Variants in DNAH8 observed in about 807,000 individuals in gnomAD.
DNAH8 encodes the protein axonemal beta dynein heavy chain 8.
DNAH8 carries 382 observed loss-of-function variants against 562.1 expected under a neutral mutation model. That is an observed-to-expected ratio of 0.68 (90% confidence interval 0.63 to 0.74). DNAH8 has a LOEUF of 0.74. Among genes scored for constraint, DNAH8 ranks in the 30% least tolerant of loss-of-function variants. DNAH8 has a pLI of 0.00. For synonymous variants in DNAH8, 1,881 were observed against 1,919.4 expected, an observed-to-expected ratio of 0.98 and a Z score of 0.52; for missense variants, 5,203 against 5,620.4, an observed-to-expected ratio of 0.93 and a Z score of 2.37.
rs147158170 is a variant in DNAH8 at position 38,924,417 on chromosome 6, C to T, written c.10962+255C>T. Among the ~76,000 whole-genome samples, 574 of 151,960 alleles carry T rather than the reference C, an allele frequency of 3.8e-3. 4 individuals carry two copies. Among genetic ancestry groups the T allele is most frequent in the African/African-American group, 0.013 (545 of 41,458 alleles). On this transcript the variant is annotated intron_variant, in intron 73 of 92. Transcript: ENST00000327475. Reference sequence around the variant, plus strand: ...ATCCTAGCTACTCAGGAGGCTGAGGCAGGAGAATCGCTTCAACCAGGGAGG... The same window carrying T: ...ATCCTAGCTACTCAGGAGGCTGAGGTAGGAGAATCGCTTCAACCAGGGAGG...
At chr6:38,831,580 G>C (rs1437519188) in intron 30 of DNAH8, among the ~76,000 whole-genome samples, 2 of 151,964 alleles carry the variant, frequency 1.3e-5, no homozygotes, top group Non-Finnish European at 2.9e-5. Context: ...GGTAATATAT[G>C]TTCCAATCTA....
chr6:38,958,877 A>G (rs1762439226), intron 82 of DNAH8, among the ~76,000 whole-genome samples: 1 of 152,200 alleles, frequency 6.6e-6, no homozygotes, highest in African/African-American at 2.4e-5. Flanking sequence ...TGATGAACAT[A>G]GATGTAAAAT....
intron 39 of DNAH8, 75 bp downstream of exon 39, chr6:38,851,749 A>G (rs1775766787): frequency 1.1e-6 from 1 of 946,996 alleles, no homozygotes; most frequent in African/African-American, 1.7e-5. Context: ...TGAAGTTAAA[A>G]TCTTAAAAAT....
intron 79 of DNAH8, among the ~76,000 whole-genome samples, chr6:38,943,628 T>G (rs2150608566): frequency 6.6e-6 from 1 of 152,358 alleles, no homozygotes; most frequent in Non-Finnish European, 1.5e-5. Context: ...GCAATGGACT[T>G]ATCTTTCTTC....
chr6:38,840,993 GAAT>G (rs962218294), intron 33 of DNAH8, among the ~76,000 whole-genome samples: 2 of 151,436 alleles, frequency 1.3e-5, no homozygotes, highest in Admixed American at 6.6e-5. Context: ...GCATAGTTGA[GAAT>G]AATAATAAGT....
chr6:38,951,850 C>G (rs904491244), intron 82 of DNAH8, among the ~76,000 whole-genome samples: 2 of 151,968 alleles, frequency 1.3e-5, no homozygotes, highest in African/African-American at 2.4e-5. Context: ...ATTGCCATGT[C>G]TATATAAAAT....
chr6:38,951,637 A>T (rs780539251), intron 82 of DNAH8, 117 bp downstream of exon 82: 26 of 874,378 alleles, frequency 3.0e-5, no homozygotes, highest in Middle Eastern at 2.3e-4. Flanking sequence ...AATTCGAAAA[A>T]TATTAAACTT....
intron 35 of DNAH8, 49 bp downstream of exon 35, chr6:38,842,952 C>T (rs1300014275): frequency 2.5e-6 from 4 of 1,584,590 alleles, no homozygotes; most frequent in African/African-American, 1.4e-5. Context: ...AGAATGTCTG[C>T]TTTTTCTTTT....
intron 1 of DNAH8, among the ~76,000 whole-genome samples, chr6:38,715,927 T>TAA (rs1295765006): frequency 0.038 from 1,171 of 31,172 alleles, 27 homozygotes; most frequent in East Asian, 0.074. Flanking sequence ...AATAAATAAA[T>TAA]ATATATATAT....
At chr6:38,930,302 T>C (rs1782456959) in intron 75 of DNAH8, among the ~76,000 whole-genome samples, 1 of 152,184 alleles carries the variant, frequency 6.6e-6, no homozygotes, top group Admixed American at 6.6e-5. Flanking sequence ...TGTGTCATTC[T>C]CTACCTTTAG....
intron 11 of DNAH8, among the ~76,000 whole-genome samples, chr6:38,766,511 A>C (rs1767016161): frequency 6.6e-6 from 1 of 152,168 alleles, no homozygotes; most frequent in South Asian, 2.1e-4. Flanking sequence ...TTTTGAGACA[A>C]GGTCTGGCTC....
intron 8 of DNAH8, among the ~76,000 whole-genome samples, chr6:38,749,988 A>G (rs993285683): frequency 6.6e-6 from 1 of 152,092 alleles, no homozygotes; most frequent in African/African-American, 2.4e-5. Flanking sequence ...GCCCGCCGCC[A>G]CGCCCAGCTA....
At chr6:38,990,655 A>G (rs542882128) in intron 88 of DNAH8, among the ~76,000 whole-genome samples, 1 of 152,188 alleles carries the variant, frequency 6.6e-6, no homozygotes, top group African/African-American at 2.4e-5. Context: ...TCCTTTTGTC[A>G]TGCACTGCCT....
intron 53 of DNAH8, among the ~76,000 whole-genome samples, chr6:38,878,442 C>A (rs568106231): frequency 6.6e-6 from 1 of 151,596 alleles, no homozygotes; most frequent in Admixed American, 6.6e-5. Flanking sequence ...CAAATTAAAC[C>A]CAAAGTAAGC....
rs1459751204 is a variant in DNAH8 at position 39,008,932 on chromosome 6, A to G, written c.13333A>G (p.Met4445Val). 6 of 1,611,886 alleles carry G rather than the reference A, an allele frequency of 3.7e-6. No individual in the cohort carries two copies. The Admixed American group carries it at 5.0e-5, about 13-fold the overall frequency. The change falls in exon 89 of 93, where the codon ATG (methionine) becomes GTG (valine). Residue 4445 changes from methionine to valine, a missense_variant. Around this residue, in one of 6 missense-constraint regions of DNAH8, gnomAD observed 1,399 missense variants for 1,518.4 expected, o/e 0.92. Transcript: ENST00000327475. Reference protein sequence around the residue: ...EAIVYRLSEDMLSKLPPDYIP... With the variant: ...EAIVYRLSEDVLSKLPPDYIP... ...TATTGTTTATAGATTATCTGAAGATATGCTGAGTAAACTCCCTCCTGATTA... is the reference window on the plus strand; with the variant it reads ...TATTGTTTATAGATTATCTGAAGATGTGCTGAGTAAACTCCCTCCTGATTA...
intron 91 of DNAH8, among the ~76,000 whole-genome samples, chr6:39,017,879 T>C (rs1766661843): frequency 6.6e-6 from 1 of 152,198 alleles, no homozygotes; most frequent in South Asian, 2.1e-4. Flanking sequence ...AATGCTTGTC[T>C]TGAAGAGTTA....
At chr6:39,001,120 G>T (rs1765453066) in intron 88 of DNAH8, among the ~76,000 whole-genome samples, 1 of 152,164 alleles carries the variant, frequency 6.6e-6, no homozygotes, top group Non-Finnish European at 1.5e-5. Flanking sequence ...CGGAGTGGCC[G>T]ATGCAGAGTG....
At chr6:38,721,437 C>T (rs1327066060) in intron 1 of DNAH8, among the ~76,000 whole-genome samples, 1 of 151,722 alleles carries the variant, frequency 6.6e-6, no homozygotes, top group Non-Finnish European at 1.5e-5. Context: ...CCTGGGAGGT[C>T]AAAGCTGCAG....
chr6:38,956,095 G>A (rs983169432), intron 82 of DNAH8, among the ~76,000 whole-genome samples: 4 of 152,220 alleles, frequency 2.6e-5, no homozygotes, highest in African/African-American at 9.6e-5. Flanking sequence ...AAGTTGCCCT[G>A]TGGCTTGTCT....
Sources: gnomAD v4.1 joint callset for allele counts (sites outside exome capture counted in the v4.1 genomes callset) on GRCh38, gnomAD v4.1.1 for gene constraint, gnomAD v4.1.1 regional missense constraint, MANE v1.5 for transcripts, NCBI Gene and HGNC (gene_info 2026-07-23, HGNC 2026-07-21) for gene names.